Variants in IFT140 observed in about 807,000 individuals in gnomAD.
IFT140 encodes the protein intraflagellar transport 140, also known as intraflagellar transport protein 140 homolog.
IFT140 carries 133 observed loss-of-function variants against 164.6 expected under a neutral mutation model. That is an observed-to-expected ratio of 0.81 (90% CI 0.70 to 0.93). IFT140 has a LOEUF of 0.93. Among genes scored for constraint, IFT140 ranks in the 40% least tolerant of loss-of-function variants. The pLI, the probability that IFT140 is intolerant of heterozygous loss-of-function variation, is 0.00. For synonymous variants in IFT140, 860 were observed against 817.3 expected (o/e 1.05, Z -0.89); for missense variants, 2,045 against 1,972.3 (o/e 1.04, Z -0.70).
Position 1,544,550 on chromosome 16 carries a change from G to A in IFT140, c.2399+13385C>T, listed in dbSNP as rs897702587. Among the ~76,000 whole-genome samples, 6 of 152,030 alleles carry A rather than the reference G, an allele frequency of 3.9e-5. No individual in the cohort carries two copies. The South Asian group carries it at 6.2e-4, about 16-fold the overall frequency. ...TCACCATGTTGGTCCAGCTGGTCTCGAACTCCTGATCTCAGGTGATCCACC... is the reference window on the plus strand; with the variant it reads ...TCACCATGTTGGTCCAGCTGGTCTCAAACTCCTGATCTCAGGTGATCCACC... On this transcript the variant is annotated intron_variant, in intron 19 of 30. Transcript: ENST00000426508.
chr16:1,527,014 G>C (rs887291248), intron 19 of IFT140: 2 of 543,246 alleles, frequency 3.7e-6, no homozygotes, highest in Non-Finnish European at 6.5e-6. Context: ...CAAGAGGCAG[G>C]GGCCGGGTCC....
chr16:1,554,258 T>C, intron 19 of IFT140: 1 of 536,106 alleles, frequency 1.9e-6, no homozygotes, highest in South Asian at 1.9e-5. Context: ...GTCAGAAGCA[T>C]AGCTCTGGGC....
intron 20 of IFT140, 100 bp downstream of exon 20, chr16:1,526,519 G>A: frequency 8.1e-7 from 1 of 1,232,442 alleles, no homozygotes; most frequent in Non-Finnish European, 1.1e-6. Context: ...CCACATCAGT[G>A]CAGGCTCAGG....
At chr16:1,516,168 A>AAC (rs1567318531) in intron 30 of IFT140, among the ~76,000 whole-genome samples, 24 of 109,298 alleles carry the variant, frequency 2.2e-4, no homozygotes, top group African/African-American at 1.0e-3. Context: ...AAAAAAAAAA[A>AAC]AAAAAAAAAA....
intron 30 of IFT140, among the ~76,000 whole-genome samples, chr16:1,512,803 G>A (rs1966171): frequency 0.44 from 66,965 of 151,984 alleles, 17,922 homozygotes; most frequent in African/African-American, 0.75. Context: ...ACCAAACCAA[G>A]CAACAACAAA....
At chr16:1,587,603 G>A (rs563614551) in intron 8 of IFT140, among the ~76,000 whole-genome samples, 3 of 152,194 alleles carry the variant, frequency 2.0e-5, no homozygotes, top group Non-Finnish European at 2.9e-5. Flanking sequence ...CTGAGCTAAC[G>A]CAGCAGGCAG....
At chr16:1,543,628 GC>G (rs891069672) in intron 19 of IFT140, among the ~76,000 whole-genome samples, 3 of 152,214 alleles carry the variant, frequency 2.0e-5, no homozygotes, top group African/African-American at 4.8e-5. Flanking sequence ...GGTAATTTCT[GC>G]CCCCACCCAA....
chr16:1,611,095 G>A (rs866464023), intron 1 of IFT140, among the ~76,000 whole-genome samples: 1 of 152,236 alleles, frequency 6.6e-6, no homozygotes, highest in South Asian at 2.1e-4. Flanking sequence ...CGTGGGTCAA[G>A]CGTTTCTGGG....
chr16:1,511,095 T>G lies in IFT140; in HGVS notation c.4238A>C (p.Tyr1413Ser). Residue 1413 changes from tyrosine to serine, a missense_variant, in exon 31 of 31, where the codon TAC (tyrosine) becomes TCC (serine). Tyr to Ser is a moderately radical substitution (Grantham distance 144, BLOSUM62 -2). Transcript: ENST00000426508. ...RRRLPLANMS[Y>S]YVSPQAVDAV... ...GTCCACGGCCTGCGGGCTCACGTAGTAGGACATGTTGGCCAAGGGAAGCCG... is the reference window on the plus strand; with the variant it reads ...GTCCACGGCCTGCGGGCTCACGTAGGAGGACATGTTGGCCAAGGGAAGCCG... The G allele has an allele frequency of 6.2e-7, 1 of 1,610,746 alleles. No individual in the cohort carries two copies. The highest frequency in any genetic ancestry group is 8.5e-7 in the Non-Finnish European group (1 of 1,179,184).
intron 15 of IFT140, among the ~76,000 whole-genome samples, chr16:1,567,061 A>G (rs2033756807): frequency 6.6e-6 from 1 of 151,950 alleles, no homozygotes; most frequent in Admixed American, 6.6e-5. Context: ...CCACCTTTGC[A>G]GCAAACATCT....
At chr16:1,607,418 T>G in intron 2 of IFT140, 121 bp from the exon 3 acceptor site, 2 of 830,624 alleles carry the variant, frequency 2.4e-6, no homozygotes, top group African/African-American at 1.7e-5. Flanking sequence ...ATCGGCAACT[T>G]GAAAATGCCT....
chr16:1,553,310 G>C lies in IFT140; in HGVS notation c.2399+4625C>G, dbSNP rs1408976021. 1 of 983,880 alleles carries C rather than the reference G, an allele frequency of 1.0e-6. No individual in the cohort carries two copies. Among genetic ancestry groups the C allele is most frequent in the Admixed American group, 6.2e-5 (1 of 16,224 alleles). 60.9% of individuals were successfully genotyped at this position (983,880 alleles called of 1,614,324 possible). On this transcript the variant is annotated intron_variant, in intron 19 of 30. Coordinates refer to ENST00000426508, the MANE Select transcript of IFT140 (RefSeq NM_014714.4). The surrounding 1 kb of genome is among the most constrained non-coding windows in gnomAD (Gnocchi z 4.4). ...TCTCTGCCTGTCTCTCTGTGTCTCT[G>C]TCTCTGTGTCTCTGTCCCTGTGTCT...
intron 30 of IFT140, among the ~76,000 whole-genome samples, chr16:1,515,636 A>G (rs2040314393): frequency 6.6e-6 from 1 of 151,994 alleles, no homozygotes; most frequent in East Asian, 1.9e-4. Flanking sequence ...GCCTCAAGAA[A>G]TCCTCCCACC....
intron 30 of IFT140, 186 bp downstream of exon 30, chr16:1,518,030 G>C: frequency 1.8e-6 from 1 of 542,008 alleles, no homozygotes; most frequent in Non-Finnish European, 3.2e-6. Context: ...TAGAGATGGG[G>C]TTTCACCATG....
In IFT140 at chr16:1,553,866, T is replaced by C; in HGVS notation, c.2399+4069A>G. 2 of 1,244,050 alleles carry C rather than the reference T, an allele frequency of 1.6e-6. No individual in the cohort carries two copies. Among genetic ancestry groups the C allele is most frequent in the Non-Finnish European group, 2.1e-6 (2 of 966,120 alleles). 77.1% of individuals were successfully genotyped at this position (1,244,050 alleles called of 1,614,324 possible). A position where few individuals can be genotyped will look rare whatever the true frequency, so the allele number is the denominator to read the frequency against. ...CACAGTGTCCTGTTATCCTAGTTGG[T>C]AGACTCTAGTCACGAAACCCTGATT... On this transcript the variant is annotated intron_variant, in intron 19 of 30. Transcript: ENST00000426508. The surrounding 1 kb of genome is among the most constrained non-coding windows in gnomAD (Gnocchi z 4.4).
At chr16:1,526,153 C>A in intron 20 of IFT140, 76 bp from the exon 21 acceptor site, 1 of 1,358,730 alleles carries the variant, frequency 7.4e-7, no homozygotes, top group Non-Finnish European at 1.0e-6. Flanking sequence ...CACGCCAGGC[C>A]ACCGGTCACC....
chr16:1,512,746 T>C (rs999920515), intron 30 of IFT140, among the ~76,000 whole-genome samples: 4 of 152,184 alleles, frequency 2.6e-5, no homozygotes, highest in African/African-American at 9.7e-5. Context: ...GCTGTGATTG[T>C]GCCACCGCAC....
chr16:1,608,829 C>T (rs912353564), intron 2 of IFT140, among the ~76,000 whole-genome samples: 1 of 152,028 alleles, frequency 6.6e-6, no homozygotes, highest in African/African-American at 2.4e-5. Flanking sequence ...GATCCTCCTG[C>T]CTCAGTCTCC....
At chr16:1,555,103 A>C in intron 19 of IFT140, 1 of 1,524,348 alleles carries the variant, frequency 6.6e-7, no homozygotes, top group Non-Finnish European at 8.8e-7. Context: ...TCCACCACCA[A>C]GTCACTTCCC....
Sources: allele counts gnomAD v4.1 joint callset (sites outside exome capture counted in the v4.1 genomes callset), GRCh38; gene constraint gnomAD v4.1.1; non-coding constraint Gnocchi (gnomAD v3.1); transcripts MANE v1.5; gene names NCBI Gene and HGNC (gene_info 2026-07-23, HGNC 2026-07-21).